Variants in MTHFD2L observed in about 807,000 individuals in gnomAD.
MTHFD2L encodes the protein methylenetetrahydrofolate dehydrogenase (NADP+ dependent) 2 like, also known as bifunctional methylenetetrahydrofolate dehydrogenase/cyclohydrolase 2, mitochondrial.
Under a neutral mutation model 34.9 loss-of-function variants are expected in MTHFD2L, and 29 were observed. That is an observed-to-expected ratio of 0.83 (90% CI 0.62 to 1.13). The LOEUF is 1.13. Among genes scored for constraint, MTHFD2L ranks in the 50% most tolerant of loss-of-function variants. The pLI is 0.00. For synonymous variants in MTHFD2L, 167 were observed against 155.7 expected (o/e 1.07, Z -0.54); for missense variants, 481 against 446.5 (o/e 1.08, Z -0.70).
chr4:74,206,303 G>C (rs1735303261), intron 5 of MTHFD2L, among the ~76,000 whole-genome samples: 2 of 152,110 alleles, frequency 1.3e-5, no homozygotes, highest in Non-Finnish European at 2.9e-5. Flanking sequence ...TGGCTAACTT[G>C]GGTCGCAGTC....
intron 7 of MTHFD2L, among the ~76,000 whole-genome samples, chr4:74,294,474 G>T (rs1749385940): frequency 1.3e-5 from 2 of 152,010 alleles, no homozygotes; most frequent in Admixed American, 1.3e-4. Flanking sequence ...TGTCATGAAG[G>T]ATGGATTGAT....
At chr4:74,119,782 C>CA (rs1052347923), upstream of MTHFD2L, among the ~76,000 whole-genome samples, 78 of 147,236 alleles carry the variant, frequency 5.3e-4, no homozygotes, top group Middle Eastern at 3.4e-3. Context: ...GACTCCATCT[C>CA]AAAAAAAAAC....
At position 74,302,176 on chromosome 4, in the gene MTHFD2L, A is replaced by G. The variant is rs1750402302; in HGVS notation, c.*367A>G. 6.3e-6 allele frequency: 1 copy of G among 158,080 alleles called. No homozygotes were observed. The highest frequency in any genetic ancestry group is 1.4e-5 in the Non-Finnish European group (1 of 72,084). 9.8% of individuals were successfully genotyped at this position (158,080 alleles called of 1,614,324 possible). On this transcript the variant is annotated 3_prime_UTR_variant, in exon 8 of 8. Coordinates refer to ENST00000325278, the MANE Select transcript of MTHFD2L (RefSeq NM_001144978.3). ...TCCTGTCAGCCAAATGGTTACCCAT[A>G]TAAAATGTAATTTAGGTTTTGCTAC...
intron 7 of MTHFD2L, among the ~76,000 whole-genome samples, chr4:74,284,678 T>C (rs1311967944): frequency 6.6e-6 from 1 of 152,076 alleles, no homozygotes; most frequent in Non-Finnish European, 1.5e-5. Context: ...GCAGAAGCTC[T>C]AAAAATCAGG....
intron 5 of MTHFD2L, among the ~76,000 whole-genome samples, chr4:74,216,792 C>T (rs1737281972): frequency 6.6e-6 from 1 of 151,736 alleles, no homozygotes. Context: ...GTAAAATATG[C>T]CTATGATATC....
rs183857860 is a variant in MTHFD2L, at chr4:74,252,537, C to T, written c.805+27143C>T. Among the ~76,000 whole-genome samples the T allele has an allele frequency of 3.7e-3, 562 of 151,548 alleles. 13 individuals are homozygous for T. Among genetic ancestry groups the T allele is most frequent in the Admixed American group, 0.027 (410 of 15,238 alleles). ...AATGAGAGAATAACAGTTTATAAAA[C>T]AAGAATATGGGGTTATATAAAATTG... On this transcript the variant is annotated intron_variant, in intron 6 of 7. Transcript: ENST00000325278.
intron 5 of MTHFD2L, among the ~76,000 whole-genome samples, chr4:74,215,197 A>C (rs887169087): frequency 4.0e-5 from 6 of 151,642 alleles, no homozygotes; most frequent in African/African-American, 1.5e-4. Flanking sequence ...AGCCCCCCAG[A>C]GTGAACGGTT....
At chr4:74,266,780 T>G (rs1745332693) in intron 6 of MTHFD2L, 1 of 873,948 alleles carries the variant, frequency 1.1e-6, no homozygotes, top group Non-Finnish European at 1.4e-6. Context: ...CAATCAGCAC[T>G]GAATGCCTTA....
intron 5 of MTHFD2L, among the ~76,000 whole-genome samples, chr4:74,212,985 AG>A (rs1487251568): frequency 6.7e-6 from 1 of 149,248 alleles, no homozygotes; most frequent in Non-Finnish European, 1.5e-5. Flanking sequence ...GTTGGTTTAA[AG>A]TCTGTTTTAT....
chr4:74,190,505 C>A, intron 3 of MTHFD2L: 1 of 985,334 alleles, frequency 1.0e-6, no homozygotes, highest in South Asian at 4.7e-5. Flanking sequence ...CCACCTTTTT[C>A]CGGCCTAGAG....
At chr4:74,196,616 C>G (rs574466427) in intron 3 of MTHFD2L, among the ~76,000 whole-genome samples, 2 of 151,832 alleles carry the variant, frequency 1.3e-5, no homozygotes, top group East Asian at 3.9e-4. Context: ...TGTTCATTGT[C>G]CAAAGACAAT....
chr4:74,280,642 T>TAA (rs796397075), intron 6 of MTHFD2L, among the ~76,000 whole-genome samples: 57 of 144,962 alleles, frequency 3.9e-4, no homozygotes, highest in African/African-American at 1.4e-3. Context: ...TTTTTTTTTT[T>TAA]AAAAAACTGG....
chr4:74,186,681 G>C (rs769914851), intron 3 of MTHFD2L, among the ~76,000 whole-genome samples: 8 of 151,918 alleles, frequency 5.3e-5, no homozygotes, highest in Non-Finnish European at 1.2e-4. Flanking sequence ...ACAAACTAAA[G>C]GAGGCCTAAA....
intron 5 of MTHFD2L, among the ~76,000 whole-genome samples, chr4:74,213,549 G>GT (rs1736696941): frequency 6.6e-6 from 1 of 152,192 alleles, no homozygotes; most frequent in Non-Finnish European, 1.5e-5. Context: ...GGCCTGTAGT[G>GT]TTTCTGCAGA....
At chr4:74,125,942 T>C (rs1722037048) in intron 1 of MTHFD2L, among the ~76,000 whole-genome samples, 1 of 152,198 alleles carries the variant, frequency 6.6e-6, no homozygotes, top group Non-Finnish European at 1.5e-5. Context: ...GTTAGAGCTA[T>C]AGCCTATGCT....
rs967799574 is a variant in MTHFD2L at position 74,159,361 on chromosome 4, A to T, written c.143+1080A>T. Among the ~76,000 whole-genome samples, 14 of 152,204 alleles carry T rather than the reference A, an allele frequency of 9.2e-5. No homozygotes were observed. The East Asian group carries it at 2.3e-3, about 25-fold the overall frequency. ...CACTTAGTTTGGAACTACCAGCTAG[A>T]TCTACTACCTAGGAAAAGCAGATTC... On this transcript the variant is annotated intron_variant, in intron 1 of 7. Coordinates refer to ENST00000325278, the MANE Select transcript of MTHFD2L (RefSeq NM_001144978.3).
rs771185037 is a variant in MTHFD2L at position 74,201,325 on chromosome 4, A to G, written c.667A>G (p.Ile223Val). 3.1e-6 allele frequency: 5 copies of G among 1,613,714 alleles called. No homozygotes were observed. Among genetic ancestry groups the G allele is most frequent in the East Asian group, 2.2e-5 (1 of 44,854 alleles). Residue 223 changes from isoleucine to valine, a missense_variant, in exon 5 of 8, where the codon ATT (isoleucine) becomes GTT (valine). By Grantham distance (29) the Ile-to-Val change is conservative (BLOSUM62 3). Transcript: ENST00000325278. ...AGRSKNVGMPIAMLLHTDGEH... is the reference protein window; with the variant it reads ...AGRSKNVGMPVAMLLHTDGEH... ...AAGATCCAAGAACGTAGGGATGCCT[A>G]TTGCCATGCTTTTACACACTGATGG...
intron 6 of MTHFD2L, among the ~76,000 whole-genome samples, chr4:74,239,283 A>G (rs767677946): frequency 1.3e-5 from 2 of 152,132 alleles, no homozygotes; most frequent in Admixed American, 1.3e-4. Flanking sequence ...GGAACTGAAC[A>G]ATGAGAACAC....
intron 1 of MTHFD2L, among the ~76,000 whole-genome samples, chr4:74,137,165 C>G (rs1270710268): frequency 6.6e-6 from 1 of 152,030 alleles, no homozygotes. Context: ...AAACAATCAA[C>G]AGAGTGAAGA....
Sources: allele counts gnomAD v4.1 joint callset (sites outside exome capture counted in the v4.1 genomes callset), GRCh38; gene constraint gnomAD v4.1.1; transcripts MANE v1.5; gene names NCBI Gene and HGNC (gene_info 2026-07-23, HGNC 2026-07-21).